Variants in RBKS observed in about 807,000 individuals in gnomAD.
RBKS encodes ribokinase.
Under a neutral mutation model 33.9 loss-of-function variants are expected in RBKS, and 33 were observed. That is an observed-to-expected ratio of 0.97 (90% CI 0.74 to 1.30). The LOEUF is 1.30. Among genes scored for constraint, RBKS ranks in the 50% most tolerant of loss-of-function variants. The pLI is 0.00. For missense variants in RBKS, 361 were observed against 392.6 expected, an observed-to-expected ratio of 0.92 and a Z score of 0.68; for synonymous variants, 125 against 143.0, an observed-to-expected ratio of 0.87 and a Z score of 0.90.
chr2:27,861,819 T>C (rs757292091), intron 1 of RBKS, among the ~76,000 whole-genome samples: 1 of 151,676 alleles, frequency 6.6e-6, no homozygotes, highest in Non-Finnish European at 1.5e-5. Flanking sequence ...GCCCAGCTAA[T>C]TTTTTTTGTA....
At chr2:27,828,883 A>G (rs190260994) in intron 6 of RBKS, among the ~76,000 whole-genome samples, 141 of 152,224 alleles carry the variant, frequency 9.3e-4, no homozygotes, top group Non-Finnish European at 5.9e-4. Context: ...TACTATTTAA[A>G]GTATTTTTTG....
intron 4 of RBKS, among the ~76,000 whole-genome samples, chr2:27,845,578 G>A (rs887527397): frequency 1.1e-4 from 16 of 152,210 alleles, no homozygotes; most frequent in African/African-American, 1.7e-4. Context: ...GACAAGGAAT[G>A]AGCTGCTGTT....
intron 7 of RBKS, 74 bp downstream of exon 7, chr2:27,827,493 A>T: frequency 1.5e-6 from 2 of 1,318,730 alleles, no homozygotes; most frequent in Non-Finnish European, 2.0e-6. Flanking sequence ...CCAAAAATTC[A>T]GGTACAGCAT....
chr2:27,787,397 C>T (rs1401946040), intron 7 of RBKS, among the ~76,000 whole-genome samples: 1 of 152,214 alleles, frequency 6.6e-6, no homozygotes, highest in Non-Finnish European at 1.5e-5. Context: ...CATGTCACTG[C>T]ACTCCAGCCT....
intron 7 of RBKS, among the ~76,000 whole-genome samples, chr2:27,801,964 ATATATATATATATATAT>A (rs1164383120): frequency 1.0e-4 from 5 of 48,562 alleles, no homozygotes; most frequent in Non-Finnish European, 7.7e-5. Flanking sequence ...AAAAAAAAAA[ATATATATATATATATAT>A]ATATATATAT....
chr2:27,807,049 A>G (rs1241862276), intron 7 of RBKS, among the ~76,000 whole-genome samples: 2 of 152,242 alleles, frequency 1.3e-5, no homozygotes, highest in Non-Finnish European at 2.9e-5. Context: ...GCCAAAACCA[A>G]TGGGCAACTG....
chr2:27,815,568 C>T (rs973425812), intron 7 of RBKS, among the ~76,000 whole-genome samples: 5 of 152,286 alleles, frequency 3.3e-5, no homozygotes, highest in South Asian at 2.1e-4. Flanking sequence ...ATGGAAACCA[C>T]TAAGAAAATC....
At chr2:27,832,888 G>A in intron 5 of RBKS, 111 bp from the exon 6 acceptor site, 2 of 715,598 alleles carry the variant, frequency 2.8e-6, no homozygotes, top group Non-Finnish European at 5.0e-6. Flanking sequence ...TCTTCATCTG[G>A]TTAAATATCC....
At chr2:27,869,992 C>T (rs1664170320) in intron 1 of RBKS, 1 of 152,346 alleles carries the variant, frequency 6.6e-6, no homozygotes, top group Non-Finnish European at 1.5e-5. Context: ...TTTGCGATCT[C>T]AAGCAGTTGG....
At chr2:27,851,198 A>T (rs1479676995) in intron 2 of RBKS, among the ~76,000 whole-genome samples, 1 of 152,184 alleles carries the variant, frequency 6.6e-6, no homozygotes, top group East Asian at 1.9e-4. Flanking sequence ...AATAGAAAGA[A>T]ACCTGTCTGT....
At chr2:27,866,455 A>T (rs1434665466) in intron 1 of RBKS, among the ~76,000 whole-genome samples, 1 of 152,186 alleles carries the variant, frequency 6.6e-6, no homozygotes, top group Non-Finnish European at 1.5e-5. Flanking sequence ...CATCAAGTTT[A>T]AAAAATTTCA....
At chr2:27,887,476 TA>T (rs1197872872) in intron 1 of RBKS, among the ~76,000 whole-genome samples, 3 of 152,206 alleles carry the variant, frequency 2.0e-5, no homozygotes, top group African/African-American at 7.2e-5. Flanking sequence ...ATCATGATAC[TA>T]ACTGTAACTA....
intron 4 of RBKS, among the ~76,000 whole-genome samples, chr2:27,845,707 A>C (rs1479305155): frequency 6.6e-6 from 1 of 152,214 alleles, no homozygotes; most frequent in Admixed American, 6.5e-5. Flanking sequence ...ACTTGGAATC[A>C]CTAAAGCCGA....
chr2:27,849,545 GCAAGA>G (rs2148214827), intron 2 of RBKS, among the ~76,000 whole-genome samples: 1 of 88,412 alleles, frequency 1.1e-5, no homozygotes, highest in African/African-American at 4.5e-5. Context: ...GGGCGACAGA[GCAAGA>G]CTCTGTCTCA....
rs762837848 is a variant in RBKS at position 27,848,103 on chromosome 2, C to A, written c.223-6G>T. Reference sequence around the variant, plus strand: ...CCAAAAGAATCTTTGCCAACCTGTACCAAAGAAATAATGAATATTAGATCT... The same window carrying A: ...CCAAAAGAATCTTTGCCAACCTGTAACAAAGAAATAATGAATATTAGATCT... On this transcript the variant is annotated splice_region_variant and splice_polypyrimidine_tract_variant and intron_variant, in intron 2 of 7. Coordinates refer to ENST00000302188, the MANE Select transcript of RBKS (RefSeq NM_022128.3). The A allele has an allele frequency of 3.5e-6, 5 of 1,439,990 alleles. No homozygotes were observed. The South Asian group carries it at 6.1e-5, about 18-fold the overall frequency. 89.2% of individuals were successfully genotyped at this position (1,439,990 alleles called of 1,614,324 possible). A position where few individuals can be genotyped will look rare whatever the true frequency, so the allele number is the denominator to read the frequency against.
intron 5 of RBKS, among the ~76,000 whole-genome samples, chr2:27,838,725 G>A (rs767269530): frequency 2.0e-5 from 3 of 152,220 alleles, no homozygotes; most frequent in Non-Finnish European, 2.9e-5. Context: ...TGGAAGCCAT[G>A]ATGTCATCCT....
chr2:27,854,807 C>A (rs546990374), intron 2 of RBKS, among the ~76,000 whole-genome samples: 3 of 151,152 alleles, frequency 2.0e-5, no homozygotes, highest in Admixed American at 6.6e-5. Flanking sequence ...TAATAAAAAC[C>A]CTGCATATAT....
intron 7 of RBKS, among the ~76,000 whole-genome samples, chr2:27,802,738 T>C (rs1677824280): frequency 6.6e-6 from 1 of 152,142 alleles, no homozygotes; most frequent in Non-Finnish European, 1.5e-5. Flanking sequence ...TCCTCTCCTG[T>C]TTACCTCCAT....
chr2:27,863,801 C>T (rs1350060525), intron 1 of RBKS, among the ~76,000 whole-genome samples: 4 of 152,172 alleles, frequency 2.6e-5, no homozygotes, highest in African/African-American at 9.7e-5. Context: ...ATTCTTCAAC[C>T]ATATTTATTC....
Sources: gnomAD v4.1 joint callset for allele counts (sites outside exome capture counted in the v4.1 genomes callset) on GRCh38, gnomAD v4.1.1 for gene constraint, MANE v1.5 for transcripts, NCBI Gene and HGNC (gene_info 2026-07-23, HGNC 2026-07-21) for gene names.